Variants in OXR1 observed in about 807,000 individuals in gnomAD.
The protein encoded by OXR1 is oxidation resistance protein 1.
In OXR1, 41 loss-of-function variants were observed where a neutral mutation model predicts 104.6. The ratio of observed to expected loss-of-function variants is 0.39; its 90% CI spans 0.31 to 0.51. The LOEUF (loss-of-function observed/expected upper bound fraction) is 0.51. Among genes scored for constraint, OXR1 ranks in the 20% least tolerant of loss-of-function variants. The pLI, the probability that OXR1 is intolerant of heterozygous loss-of-function variation, is 0.77. For synonymous variants in OXR1, 348 were observed against 348.4 expected (o/e 1.00, Z 0.01); for missense variants, 955 against 1,031.9 (o/e 0.93, Z 1.02).
At chr8:106,713,221 A>G (rs1202694805) in intron 10 of OXR1, among the ~76,000 whole-genome samples, 2 of 152,006 alleles carry the variant, frequency 1.3e-5, no homozygotes, top group Non-Finnish European at 2.9e-5. Context: ...TAAAACCAAT[A>G]AAACGTAGAT....
intron 3 of OXR1, among the ~76,000 whole-genome samples, chr8:106,663,696 A>T (rs1236171138): frequency 6.6e-6 from 1 of 152,192 alleles, no homozygotes; most frequent in Non-Finnish European, 1.5e-5. Context: ...CTGTTAGATC[A>T]GTGGGGACAT....
chr8:106,742,481 A>C (rs1309461790), intron 15 of OXR1, 164 bp downstream of exon 15: 1 of 519,992 alleles, frequency 1.9e-6, no homozygotes, highest in Non-Finnish European at 3.4e-6. Context: ...AAAGAGCCCA[A>C]ATAGCCAAGA....
At chr8:106,446,105 G>A (rs1262036815) in intron 2 of OXR1, among the ~76,000 whole-genome samples, 1 of 152,160 alleles carries the variant, frequency 6.6e-6, no homozygotes, top group Non-Finnish European at 1.5e-5. Context: ...AAATATGAGG[G>A]TGATGAGAAG....
At chr8:106,597,945 A>AT (rs1304826836) in intron 3 of OXR1, among the ~76,000 whole-genome samples, 1 of 151,924 alleles carries the variant, frequency 6.6e-6, no homozygotes, top group African/African-American at 2.4e-5. Context: ...TGCACATACT[A>AT]TTTTTTGTCA....
chr8:106,345,396 C>T (rs1369930367), intron 1 of OXR1, among the ~76,000 whole-genome samples: 1 of 152,216 alleles, frequency 6.6e-6, no homozygotes, highest in Non-Finnish European at 1.5e-5. Context: ...TATATTCCTG[C>T]AATAAAGATA....
chr8:106,711,475 A>G (rs959723077), intron 10 of OXR1, among the ~76,000 whole-genome samples: 2 of 152,144 alleles, frequency 1.3e-5, no homozygotes, highest in South Asian at 4.1e-4. Context: ...AACGTACTAT[A>G]TTTTTATCCC....
At chr8:106,590,416 T>A (rs1228434843) in intron 3 of OXR1, among the ~76,000 whole-genome samples, 2 of 152,186 alleles carry the variant, frequency 1.3e-5, no homozygotes, top group Non-Finnish European at 2.9e-5. Context: ...GCCTCTCAAG[T>A]ACCTGGGACT....
At chr8:106,610,933 C>A (rs1586894092) in intron 3 of OXR1, among the ~76,000 whole-genome samples, 1 of 152,204 alleles carries the variant, frequency 6.6e-6, no homozygotes, top group African/African-American at 2.4e-5. Context: ...CTATGCCCAG[C>A]AACTTCTGAT....
At chr8:106,708,346 C>T (rs149189595) in intron 9 of OXR1, among the ~76,000 whole-genome samples, 20 of 152,256 alleles carry the variant, frequency 1.3e-4, no homozygotes, top group African/African-American at 4.3e-4. Flanking sequence ...CTGCTATGAG[C>T]CATGATCATG....
intron 1 of OXR1, among the ~76,000 whole-genome samples, chr8:106,331,675 C>T (rs1011056446): frequency 6.6e-6 from 1 of 152,060 alleles, no homozygotes; most frequent in Non-Finnish European, 1.5e-5. Flanking sequence ...TGCGGTGGCT[C>T]ACACCTGTAA....
In OXR1 at chr8:106,541,664, C is replaced by T. The variant is rs539827982; in HGVS notation, c.220+22525C>T. 4.5e-4 allele frequency among the ~76,000 whole-genome samples: 69 copies of T among 152,246 alleles called. 1 individual carries two copies. The South Asian group carries it at 0.014, about 31-fold the overall frequency. On this transcript the variant is annotated intron_variant, in intron 3 of 16. Coordinates refer to ENST00000517566, the MANE Select transcript of OXR1 (RefSeq NM_001198533.2). ...AAAACTGAGTTTAGTAAATTGGTGG[C>T]TGATACCTGAGAAGCAAGGAAGCAG...
At chr8:106,342,882 A>C (rs1266387214) in intron 1 of OXR1, among the ~76,000 whole-genome samples, 1 of 152,036 alleles carries the variant, frequency 6.6e-6, no homozygotes. Flanking sequence ...TTCCCTTAAA[A>C]CCATGTTCTG....
At chr8:106,698,511 A>G (rs1830286974) in intron 7 of OXR1, among the ~76,000 whole-genome samples, 1 of 152,104 alleles carries the variant, frequency 6.6e-6, no homozygotes, top group Non-Finnish European at 1.5e-5. Flanking sequence ...CTTCTTTGGG[A>G]ACTCCAATTC....
chr8:106,431,018 A>G (rs531621085), intron 2 of OXR1, among the ~76,000 whole-genome samples: 47 of 152,304 alleles, frequency 3.1e-4, no homozygotes, highest in Non-Finnish European at 4.4e-5. Flanking sequence ...GCTGGATCAT[A>G]AGAAGCCTTT....
chr8:106,589,454 A>G (rs977370320), intron 3 of OXR1, among the ~76,000 whole-genome samples: 1 of 151,794 alleles, frequency 6.6e-6, no homozygotes, highest in African/African-American at 2.4e-5. Flanking sequence ...TCCAGATTCA[A>G]TTATGTCCTT....
At chr8:106,478,395 G>A (rs1483883088) in intron 2 of OXR1, among the ~76,000 whole-genome samples, 1 of 151,672 alleles carries the variant, frequency 6.6e-6, no homozygotes, top group African/African-American at 2.4e-5. Context: ...TATATTTTAG[G>A]CCATCTCAAA....
At chr8:106,587,993 C>A (rs988954169) in intron 3 of OXR1, among the ~76,000 whole-genome samples, 1 of 151,778 alleles carries the variant, frequency 6.6e-6, no homozygotes, top group Non-Finnish European at 1.5e-5. Flanking sequence ...GCTCTGTCAC[C>A]CAGGCTGGAG....
chr8:106,673,770 G>A (rs1256204975), intron 3 of OXR1, among the ~76,000 whole-genome samples: 1 of 152,116 alleles, frequency 6.6e-6, no homozygotes, highest in Non-Finnish European at 1.5e-5. Flanking sequence ...AATCCCAGCT[G>A]TGGCTAAAAA....
At chr8:106,507,264 T>C (rs1431660421) in intron 2 of OXR1, among the ~76,000 whole-genome samples, 1 of 152,192 alleles carries the variant, frequency 6.6e-6, no homozygotes, top group Non-Finnish European at 1.5e-5. Flanking sequence ...TGGATGGTGT[T>C]ATATTATCCC....
Sources: gnomAD v4.1 joint callset for allele counts (sites outside exome capture counted in the v4.1 genomes callset) on GRCh38, gnomAD v4.1.1 for gene constraint, MANE v1.5 for transcripts, NCBI Gene and HGNC (gene_info 2026-07-23, HGNC 2026-07-21) for gene names.